RSPH14: variants seen among roughly 807,000 people sequenced by gnomAD.
The protein encoded by RSPH14 is radial spoke head 14 homolog, also known as rhabdoid tumor deletion region gene 1.
RSPH14 carries 20 observed loss-of-function variants against 26.7 expected under a neutral mutation model. The observed-to-expected ratio is 0.75, with a 90% confidence interval of 0.53 to 1.09. The LOEUF is 1.09. Among genes scored for constraint, RSPH14 ranks in the 50% least tolerant of loss-of-function variants. RSPH14 has a pLI of 0.00. For synonymous variants in RSPH14, 177 were observed against 189.3 expected (o/e 0.93, Z 0.53); for missense variants, 449 against 457.2 (o/e 0.98, Z 0.16).
chr22:23,090,713 C>T (rs2068947864), intron 4 of RSPH14, among the ~76,000 whole-genome samples: 1 of 152,188 alleles, frequency 6.6e-6, no homozygotes, highest in South Asian at 2.1e-4. Context: ...GGAGGCCAGC[C>T]CCACCCACCT....
chr22:23,092,964 G>A (rs9624023), intron 4 of RSPH14, among the ~76,000 whole-genome samples: 16,018 of 152,246 alleles, frequency 0.11, 2,688 homozygotes, highest in African/African-American at 0.35. Flanking sequence ...GTGCTGGTAG[G>A]GAGAACCCTG....
At chr22:23,152,393 G>T in the RSPH14 span, 1 of 1,521,588 alleles carries the variant, frequency 6.6e-7, no homozygotes, top group Non-Finnish European at 9.1e-7. Flanking sequence ...AGGGAAGGAA[G>T]GGGCTGTGAG....
chr22:23,152,321 G>A, the RSPH14 span: 1 of 804,326 alleles, frequency 1.2e-6, no homozygotes, highest in Non-Finnish European at 2.1e-6. Flanking sequence ...GGAACACAGT[G>A]TCTCAGCAGG....
intron 4 of RSPH14, among the ~76,000 whole-genome samples, chr22:23,078,742 C>G (rs5759579): frequency 6.6e-6 from 1 of 152,180 alleles, no homozygotes; most frequent in Admixed American, 6.5e-5. Context: ...GCCAGGGCTT[C>G]TAAGGGGGCT....
the RSPH14 span, chr22:23,180,279 C>G: frequency 5.4e-6 from 1 of 186,528 alleles, no homozygotes; most frequent in Non-Finnish European, 1.1e-5. Context: ...AGTCCGGTGT[C>G]TTTTTTACGG....
At chr22:23,087,950 C>T (rs551574115) in intron 4 of RSPH14, among the ~76,000 whole-genome samples, 2 of 152,298 alleles carry the variant, frequency 1.3e-5, no homozygotes, top group African/African-American at 2.4e-5. Context: ...TAATGTGAGT[C>T]CTACAAAGGC....
rs570781202 is a variant in RSPH14 at position 23,072,009 on chromosome 22, G to A, written c.422-7876C>T. Among the ~76,000 whole-genome samples, 519 of 152,218 alleles carry A rather than the reference G, an allele frequency of 3.4e-3. 3 individuals carry two copies. The highest frequency in any genetic ancestry group is 0.011 in the African/African-American group (462 of 41,534). On this transcript the variant is annotated intron_variant, in intron 4 of 6. Transcript: ENST00000216036. ...TAACTGTGGCTATGGTGGAGACCAC[G>A]GCTTCCTCATCTGTAAAAGCGAAGC...
chr22:23,066,515 A>G (rs550626760), intron 4 of RSPH14, among the ~76,000 whole-genome samples: 11 of 152,220 alleles, frequency 7.2e-5, no homozygotes, highest in Non-Finnish European at 1.6e-4. Flanking sequence ...AATGCTTAGC[A>G]CAGGGACCGG....
At chr22:23,128,127 G>A (rs1031170869) in intron 4 of RSPH14, among the ~76,000 whole-genome samples, 1 of 152,216 alleles carries the variant, frequency 6.6e-6, no homozygotes, top group African/African-American at 2.4e-5. Context: ...AGGACCAGTG[G>A]GATGGTAGAG....
At chr22:23,165,257 T>TTGCACTC in the RSPH14 span, among the ~76,000 whole-genome samples, 4 of 152,160 alleles carry the variant, frequency 2.6e-5, no homozygotes, top group Non-Finnish European at 5.9e-5. Context: ...AGCAGACAGA[T>TTGCACTC]TGCACTCTGA....
intron 4 of RSPH14, among the ~76,000 whole-genome samples, chr22:23,099,538 C>T (rs1246603304): frequency 2.0e-5 from 3 of 152,234 alleles, no homozygotes; most frequent in East Asian, 3.8e-4. Flanking sequence ...GGGGCAGCAG[C>T]GCCTGTTATT....
Position 23,129,383 on chromosome 22 carries a change from G to A in RSPH14, c.421+4643C>T, listed in dbSNP as rs1357492915. Among the ~76,000 whole-genome samples, 3 of 152,138 alleles carry A rather than the reference G, an allele frequency of 2.0e-5. No homozygotes were observed. In the East Asian group the frequency reaches 5.8e-4, roughly 29 times the overall value. On this transcript the variant is annotated intron_variant, in intron 4 of 6. Transcript: ENST00000216036. Reference sequence around the variant, plus strand: ...GAGGCTCCCCACCCTGACCCTCACTGAGGCTTCTGTTCGTGAGCTTGTCAG... The same window carrying A: ...GAGGCTCCCCACCCTGACCCTCACTAAGGCTTCTGTTCGTGAGCTTGTCAG...
chr22:23,064,161 CG>C (rs1204672676), intron 4 of RSPH14, 28 bp from the exon 5 acceptor site: 1 of 1,604,344 alleles, frequency 6.2e-7, no homozygotes, highest in Non-Finnish European at 8.5e-7. Flanking sequence ...GCACTGAGGG[CG>C]GGCTGGCCAC....
chr22:23,166,147 TAAAAAAAAAAAAAAAAAAA>T, the RSPH14 span, among the ~76,000 whole-genome samples: 1 of 59,888 alleles, frequency 1.7e-5, no homozygotes, highest in African/African-American at 7.1e-5. Context: ...CTCTGTCTTT[TAAAAAAAAAAAAAAAAAAA>T]AAAAAAAAAA....
rs533095411 is a variant in RSPH14, at chr22:23,059,576, C to A, written c.933G>T (p.Thr311=). 1 of 1,614,200 alleles carries A rather than the reference C, an allele frequency of 6.2e-7. No individual in the cohort carries two copies. Among genetic ancestry groups the A allele is most frequent in the African/African-American group, 1.3e-5 (1 of 75,062 alleles). Residue 311 remains threonine (T), a synonymous_variant, in exon 7 of 7, where the codon ACG becomes ACT. Coordinates refer to ENST00000216036, the MANE Select transcript of RSPH14 (RefSeq NM_014433.3). ...CCATGGCACGGAAAGTGGGCACGTGCGTCTGCAGGGCCTTGCGGCCCTCGG... is the reference window on the plus strand; with the variant it reads ...CCATGGCACGGAAAGTGGGCACGTGAGTCTGCAGGGCCTTGCGGCCCTCGG... ...EAPEGRKALQ[T]HVPTFRAMEV...
At chr22:23,142,107 G>T (rs1027972932), upstream of RSPH14, 9 of 879,990 alleles carry the variant, frequency 1.0e-5, no homozygotes, top group African/African-American at 1.5e-4. Context: ...CCAAGGCTGC[G>T]GCCGGCTGCA....
At chr22:23,141,595 G>A (rs1463208794) in intron 1 of RSPH14, among the ~76,000 whole-genome samples, 3 of 152,190 alleles carry the variant, frequency 2.0e-5, no homozygotes, top group Non-Finnish European at 1.5e-5. Flanking sequence ...TGTTGGCTGT[G>A]GTTATTATTA....
At chr22:23,150,185 A>T in the RSPH14 span, 1 of 1,545,392 alleles carries the variant, frequency 6.5e-7, no homozygotes, top group Non-Finnish European at 8.9e-7. Flanking sequence ...ATGGGGGAGC[A>T]GGTGGCAAGA....
intron 4 of RSPH14, among the ~76,000 whole-genome samples, chr22:23,105,739 T>C (rs1375615386): frequency 6.6e-6 from 1 of 152,252 alleles, no homozygotes. Context: ...ATGCTGTTTG[T>C]TAATTTCCCT....
Sources: gnomAD v4.1 joint callset for allele counts (sites outside exome capture counted in the v4.1 genomes callset) on GRCh38, gnomAD v4.1.1 for gene constraint, MANE v1.5 for transcripts, NCBI Gene and HGNC (gene_info 2026-07-23, HGNC 2026-07-21) for gene names.